DOP1B: variants seen among roughly 807,000 people sequenced by gnomAD.
DOP1B encodes protein DOP1B.
DOP1B carries 174 observed loss-of-function variants against 233.5 expected under a neutral mutation model. The ratio of observed to expected loss-of-function variants is 0.75; its 90% CI spans 0.66 to 0.85. DOP1B has a LOEUF of 0.85. Among genes scored for constraint, DOP1B ranks in the 40% least tolerant of loss-of-function variants. DOP1B has a pLI of 0.00. For synonymous variants in DOP1B, 1,190 were observed against 1,185.6 expected (o/e 1.00, Z -0.08); for missense variants, 2,652 against 2,846.6 (o/e 0.93, Z 1.56).
Position 36,276,287 on chromosome 21 carries a change from T to C in DOP1B, c.5633-734T>C, listed in dbSNP as rs568010823. Reference sequence around the variant, plus strand: ...GGCTCACACCTATAGTCCTAGCACTTAGGGAGGCCAAGGCAGGCAAATTAC... The same window carrying C: ...GGCTCACACCTATAGTCCTAGCACTCAGGGAGGCCAAGGCAGGCAAATTAC... On this transcript the variant is annotated intron_variant, in intron 27 of 36. Transcript: ENST00000691173. Among the ~76,000 whole-genome samples the C allele has an allele frequency of 3.9e-5, 6 of 152,184 alleles. No homozygotes were observed. In the East Asian group the frequency reaches 1.2e-3, roughly 29 times the overall value.
At chr21:36,173,956 G>A (rs1229454662) in intron 2 of DOP1B, among the ~76,000 whole-genome samples, 1 of 151,604 alleles carries the variant, frequency 6.6e-6, no homozygotes, top group Non-Finnish European at 1.5e-5. Flanking sequence ...GACACACTAC[G>A]GTTTCACAGA....
chr21:36,214,454 A>T lies in DOP1B; in HGVS notation c.1027A>T (p.Ile343Leu), dbSNP rs1374286700. 3 of 1,612,432 alleles carry T rather than the reference A, an allele frequency of 1.9e-6. No homozygotes were observed. Among genetic ancestry groups the T allele is most frequent in the African/African-American group, 2.7e-5 (2 of 74,804 alleles). ...KDLLVEGLAE[I>L]LHQKFIDADV... ...TTTTAAATAATAGGGTTTGGCTGAG[A>T]TATTGCATCAGAAGTTCATAGATGC... The change falls in exon 9 of 37, where the codon ATA becomes TTA. Residue 343 changes from isoleucine to leucine, a missense_variant. Physicochemically the swap from Ile to Leu is conservative, Grantham distance 5. Around this residue, in one of 3 missense-constraint regions of DOP1B, gnomAD observed 2,617 missense variants for 2,794.3 expected, o/e 0.94. Transcript: ENST00000691173.
chr21:36,217,727 T>TA (rs1304248657), intron 9 of DOP1B, among the ~76,000 whole-genome samples: 1 of 152,230 alleles, frequency 6.6e-6, no homozygotes, highest in East Asian at 1.9e-4. Context: ...GCTCCCACCT[T>TA]AAACCAAATA....
In DOP1B at chr21:36,268,358, C is replaced by T. The variant is rs565515302; in HGVS notation, c.5488-1655C>T. ...AAGAAGAAAAATATGGCTCTTTTTT[C>T]CCAACCCCACAGGCAGTCAGACCTT... On this transcript the variant is annotated intron_variant, in intron 26 of 36. Coordinates refer to ENST00000691173, the MANE Select transcript of DOP1B (RefSeq NM_001320714.2). Among the ~76,000 whole-genome samples the T allele has an allele frequency of 2.1e-3, 320 of 152,190 alleles. 2 individuals carry two copies. Among genetic ancestry groups the T allele is most frequent in the African/African-American group, 6.6e-3 (275 of 41,530 alleles).
At chr21:36,193,889 A>G (rs1009478491) in intron 2 of DOP1B, among the ~76,000 whole-genome samples, 1 of 152,162 alleles carries the variant, frequency 6.6e-6, no homozygotes, top group African/African-American at 2.4e-5. Context: ...TCAATTTGTC[A>G]TTATACTAAG....
chr21:36,175,800 AGAAAG>A (rs1241250402), intron 2 of DOP1B: 5 of 151,620 alleles, frequency 3.3e-5, no homozygotes, highest in African/African-American at 9.7e-5. Context: ...CTCAAAAAAA[AGAAAG>A]AAAAGAAAAA....
intron 32 of DOP1B, among the ~76,000 whole-genome samples, chr21:36,287,532 G>A (rs2067498883): frequency 6.7e-6 from 1 of 149,278 alleles, no homozygotes. Context: ...ATTTCACAAA[G>A]AAGAGGGCTG....
chr21:36,289,424 GGTGTGTGTGTGTGTGTGTGT>G (rs59907412), intron 35 of DOP1B, among the ~76,000 whole-genome samples: 34 of 145,062 alleles, frequency 2.3e-4, no homozygotes, highest in African/African-American at 4.5e-4. Flanking sequence ...GTGTTTCTAT[GGTGTGTGTGTGTGTGTGTGT>G]GTGTGTGTGT....
At chr21:36,181,711 G>C (rs150475594) in intron 2 of DOP1B, among the ~76,000 whole-genome samples, 38 of 152,286 alleles carry the variant, frequency 2.5e-4, no homozygotes, top group African/African-American at 8.4e-4. Context: ...CTGATGGCAC[G>C]TGTTATGTCC....
In DOP1B at chr21:36,246,786, T is replaced by A; in HGVS notation, c.4697+109T>A. ...CGGTTGGAGGATAATTTCATCCCAA[T>A]GAGAAGCCTGTTTAGCATTATCAAG... On this transcript the variant is annotated intron_variant, in intron 19 of 36. Transcript: ENST00000691173. The surrounding 1 kb of genome is among the most constrained non-coding windows in gnomAD (Gnocchi z 5.1). 1 of 1,338,378 alleles carries A rather than the reference T, an allele frequency of 7.5e-7. No individual in the cohort carries two copies. Among genetic ancestry groups the A allele is most frequent in the Non-Finnish European group, 1.0e-6 (1 of 986,318 alleles). 82.9% of individuals were successfully genotyped at this position (1,338,378 alleles called of 1,614,324 possible). A position where few individuals can be genotyped will look rare whatever the true frequency, so the allele number is the denominator to read the frequency against.
chr21:36,256,799 A>C (rs73377433), intron 23 of DOP1B, among the ~76,000 whole-genome samples: 1 of 152,032 alleles, frequency 6.6e-6, no homozygotes, highest in Non-Finnish European at 1.5e-5. Flanking sequence ...ACTCAACAAC[A>C]TAACAATCAA....
chr21:36,167,418 G>A (rs1009754694), intron 2 of DOP1B, among the ~76,000 whole-genome samples: 5 of 152,002 alleles, frequency 3.3e-5, no homozygotes, highest in African/African-American at 1.2e-4. Flanking sequence ...CAAGTGATCC[G>A]CCCACCTCAG....
chr21:36,166,931 G>A (rs181165238), intron 2 of DOP1B, among the ~76,000 whole-genome samples: 1 of 152,308 alleles, frequency 6.6e-6, no homozygotes, highest in East Asian at 1.9e-4. Context: ...GGCTGGGGTG[G>A]ATAAATGTTT....
chr21:36,270,923 A>AAAAAG (rs1555898571), intron 27 of DOP1B, among the ~76,000 whole-genome samples: 2 of 151,236 alleles, frequency 1.3e-5, no homozygotes, highest in East Asian at 3.9e-4. Flanking sequence ...AAAAAAAAAA[A>AAAAAG]AAAGAAAGAA....
At position 36,245,631 on chromosome 21, in the gene DOP1B, G is replaced by T. The variant is rs3746867; in HGVS notation, c.3651G>T (p.Arg1217Ser). The stretch of plus-strand genomic sequence containing the variant: ...GGCTGCTAAAGCAGCAGCGGGAAAG[G>T]CAGGAGGCCGTCGAGGCCTTGTTCA... ...TSRLLKQQRE[R>S]QEAVEALFKH... The change falls in exon 19 of 37, where the codon AGG (arginine) becomes AGT (serine). Residue 1217 changes from arginine to serine, a missense_variant. Around this residue, in one of 3 missense-constraint regions of DOP1B, gnomAD observed 2,617 missense variants for 2,794.3 expected, o/e 0.94. Transcript: ENST00000691173. This position sits in a 1 kb window ranked among gnomAD's most constrained non-coding sequence, Gnocchi z 5.5. The T allele has an allele frequency of 7.6e-4, 1,226 of 1,613,422 alleles. 38 individuals are homozygous for T. In the East Asian group the frequency reaches 0.027, roughly 36 times the overall value.
At chr21:36,257,856 TAGAG>T (rs748469441) in intron 23 of DOP1B, among the ~76,000 whole-genome samples, 23 of 148,680 alleles carry the variant, frequency 1.5e-4, no homozygotes, top group East Asian at 6.0e-4. Flanking sequence ...GGTAGGTAGG[TAGAG>T]AGATAGATGT....
chr21:36,191,268 AC>A (rs1456101107), intron 2 of DOP1B, among the ~76,000 whole-genome samples: 33 of 147,830 alleles, frequency 2.2e-4, no homozygotes, highest in African/African-American at 4.5e-4. Flanking sequence ...AAAAAAAAAA[AC>A]AAAAAACAGA....
intron 2 of DOP1B, among the ~76,000 whole-genome samples, chr21:36,197,383 C>T (rs1405301038): frequency 1.3e-5 from 2 of 152,114 alleles, no homozygotes; most frequent in Admixed American, 6.6e-5. Flanking sequence ...GTAGTGTTTG[C>T]GTACAAGAGG....
Position 36,234,801 on chromosome 21 carries a change from A to C in DOP1B, c.2622+1726A>C, listed in dbSNP as rs138853245. On this transcript the variant is annotated intron_variant, in intron 15 of 36. Transcript: ENST00000691173. ...AGTGATCCTCCCACCTCAGCCTCCC[A>C]AAGTGCCTTACAGGCGTGAGCCACC... Among the ~76,000 whole-genome samples the C allele has an allele frequency of 9.7e-3, 1,481 of 152,268 alleles. 24 individuals carry two copies. The highest frequency in any genetic ancestry group is 0.033 in the African/African-American group (1,387 of 41,546).
Sources: allele counts gnomAD v4.1 joint callset (sites outside exome capture counted in the v4.1 genomes callset), GRCh38; gene constraint gnomAD v4.1.1; regional missense constraint gnomAD v4.1.1; non-coding constraint Gnocchi (gnomAD v3.1); transcripts MANE v1.5; gene names NCBI Gene and HGNC (gene_info 2026-07-23, HGNC 2026-07-21).